RBFOX1: variants seen among roughly 807,000 people sequenced by gnomAD.
RBFOX1 encodes RNA binding fox-1 homolog 1, also known as RNA binding protein fox-1 homolog 1.
Under a neutral mutation model 57.7 loss-of-function variants are expected in RBFOX1, and 8 were observed. That is an observed-to-expected ratio of 0.14 (90% CI 0.08 to 0.25). The LOEUF (loss-of-function observed/expected upper bound fraction) is 0.25, where lower values mean the gene tolerates loss of function less well. Among genes scored for constraint, RBFOX1 ranks in the 10% least tolerant of loss-of-function variants. RBFOX1 has a pLI of 1.00. For missense variants in RBFOX1, 611 were observed against 548.5 expected (o/e 1.11, Z -1.14); for synonymous variants, 326 against 222.4 (o/e 1.47, Z -4.15).
At chr16:5,384,740 A>G (rs932555228) in intron 1 of RBFOX1, among the ~76,000 whole-genome samples, 2 of 152,238 alleles carry the variant, frequency 1.3e-5, no homozygotes, top group African/African-American at 4.8e-5. Context: ...TGGCCCGAAC[A>G]TCAAAGATAT....
rs143913633 is a variant in RBFOX1 at position 5,330,051 on chromosome 16, G to A, written c.219+89946G>A. Among the ~76,000 whole-genome samples the A allele has an allele frequency of 7.9e-5, 12 of 151,942 alleles. No homozygotes were observed. In the East Asian group the frequency reaches 1.9e-3, roughly 24 times the overall value. On this transcript the variant is annotated intron_variant, in intron 1 of 2. Coordinates refer to the RBFOX1 transcript ENST00000585867. ...TGCCTTCTTGCCGTGTCCTCACATG[G>A]TACAAGGGACCCGTGAACTCTCTGA...
At chr16:6,457,438 T>TGCC (rs757540836) in intron 2 of RBFOX1, among the ~76,000 whole-genome samples, 1 of 54,224 alleles carries the variant, frequency 1.8e-5, no homozygotes. Context: ...TTTCCGGAAG[T>TGCC]CCCCCCCCCC....
At chr16:6,763,610 T>G (rs1044212607) in intron 3 of RBFOX1, among the ~76,000 whole-genome samples, 2 of 152,220 alleles carry the variant, frequency 1.3e-5, no homozygotes, top group African/African-American at 4.8e-5. Context: ...ACCACTTGCC[T>G]TTCCAGTGTC....
intron 4 of RBFOX1, among the ~76,000 whole-genome samples, chr16:7,215,593 C>G (rs1004979157): frequency 2.0e-5 from 3 of 152,132 alleles, no homozygotes; most frequent in East Asian, 1.9e-4. Context: ...ACAGCCATGA[C>G]CACATTCTAA....
At chr16:7,540,700 C>T (rs2082689473) in intron 5 of RBFOX1, among the ~76,000 whole-genome samples, 1 of 152,160 alleles carries the variant, frequency 6.6e-6, no homozygotes. Flanking sequence ...GTTGTCTCTT[C>T]TTGAATGAGA....
chr16:5,415,044 A>G (rs2067125298), intron 1 of RBFOX1, among the ~76,000 whole-genome samples: 1 of 152,182 alleles, frequency 6.6e-6, no homozygotes, highest in Non-Finnish European at 1.5e-5. Flanking sequence ...CCCGTTTATC[A>G]TTCCCATTTT....
intron 3 of RBFOX1, among the ~76,000 whole-genome samples, chr16:5,638,241 G>T (rs780284480): frequency 6.6e-6 from 1 of 152,174 alleles, no homozygotes; most frequent in East Asian, 1.9e-4. Context: ...AGCATAACTT[G>T]CTATCAGCCA....
chr16:6,530,675 C>G (rs897748204), intron 2 of RBFOX1, among the ~76,000 whole-genome samples: 3 of 152,034 alleles, frequency 2.0e-5, no homozygotes, highest in Admixed American at 6.6e-5. Context: ...GAAGGAGGAG[C>G]AAGTTATGTC....
intron 3 of RBFOX1, among the ~76,000 whole-genome samples, chr16:6,667,043 C>T (rs1456707619): frequency 6.6e-6 from 1 of 152,068 alleles, no homozygotes; most frequent in Non-Finnish European, 1.5e-5. Context: ...TTTTACTAAA[C>T]GTTGAAAATG....
intron 4 of RBFOX1, among the ~76,000 whole-genome samples, chr16:7,215,078 G>T (rs150477096): frequency 9.6e-4 from 146 of 152,148 alleles, no homozygotes; most frequent in Admixed American, 6.4e-3. Flanking sequence ...CCGCGGACAG[G>T]CCCTGGTGTG....
intron 2 of RBFOX1, among the ~76,000 whole-genome samples, chr16:6,462,335 T>C (rs1286663932): frequency 6.6e-6 from 1 of 152,220 alleles, no homozygotes; most frequent in Non-Finnish European, 1.5e-5. Flanking sequence ...CTTATGCTTT[T>C]TAAAGGGTGG....
chr16:7,242,864 A>T (rs1355230212), intron 4 of RBFOX1, among the ~76,000 whole-genome samples: 2 of 152,176 alleles, frequency 1.3e-5, no homozygotes, highest in African/African-American at 4.8e-5. Flanking sequence ...TGAGAGAGAT[A>T]TGGAGTCTGC....
chr16:7,477,244 C>T (rs376713969), intron 4 of RBFOX1, among the ~76,000 whole-genome samples: 2 of 152,124 alleles, frequency 1.3e-5, no homozygotes, highest in South Asian at 4.1e-4. Flanking sequence ...GACATCGATG[C>T]AAATATGGTT....
chr16:6,686,262 C>A (rs2059423376), intron 3 of RBFOX1, among the ~76,000 whole-genome samples: 1 of 152,120 alleles, frequency 6.6e-6, no homozygotes, highest in Non-Finnish European at 1.5e-5. Context: ...GTGGTCAGGG[C>A]CATTCATAGC....
chr16:6,954,201 T>G (rs2081312726), intron 3 of RBFOX1, among the ~76,000 whole-genome samples: 2 of 152,136 alleles, frequency 1.3e-5, no homozygotes, highest in African/African-American at 2.4e-5. Context: ...CATATTTATG[T>G]AAAAAGAGAG....
intron 3 of RBFOX1, among the ~76,000 whole-genome samples, chr16:6,928,819 A>G (rs1429405458): frequency 6.6e-6 from 1 of 152,196 alleles, no homozygotes; most frequent in Non-Finnish European, 1.5e-5. Context: ...GAAAAAGAAC[A>G]GTAACACACA....
intron 2 of RBFOX1, among the ~76,000 whole-genome samples, chr16:6,519,199 T>C (rs377351557): frequency 4.6e-5 from 7 of 152,060 alleles, no homozygotes; most frequent in African/African-American, 1.4e-4. Flanking sequence ...TAAAATGGAA[T>C]TGGTAATACC....
intron 4 of RBFOX1, among the ~76,000 whole-genome samples, chr16:7,489,512 A>T (rs1052672409): frequency 6.3e-5 from 7 of 111,338 alleles, no homozygotes; most frequent in African/African-American, 2.2e-4. Flanking sequence ...AATTATTATT[A>T]TTATTTTTTT....
At chr16:7,695,622 G>T (rs377071738) in intron 14 of RBFOX1, among the ~76,000 whole-genome samples, 5 of 141,248 alleles carry the variant, frequency 3.5e-5, no homozygotes, top group Non-Finnish European at 1.5e-5. Context: ...ACTGCACTCC[G>T]GCCTGGACGA....
Sources: allele counts gnomAD v4.1 joint callset (sites outside exome capture counted in the v4.1 genomes callset), GRCh38; gene constraint gnomAD v4.1.1; transcripts MANE v1.5; gene names NCBI Gene and HGNC (gene_info 2026-07-23, HGNC 2026-07-21).